The following SPCS2 variants were observed in gnomAD, a reference collection of about 807,000 sequenced individuals.
SPCS2 encodes the protein SPase 25 kDa subunit.
Under a neutral mutation model 22.3 loss-of-function variants are expected in SPCS2, and 3 were observed. The observed-to-expected ratio is 0.13, with a 90% confidence interval of 0.06 to 0.35. SPCS2 has a LOEUF of 0.35. Ranked by LOEUF, SPCS2 falls within the 10% of genes least tolerant of loss-of-function variation. The pLI is 1.00. For synonymous variants in SPCS2, 67 were observed against 97.2 expected (o/e 0.69, Z 1.83); for missense variants, 169 against 280.9 (o/e 0.60, Z 2.85).
At chr11:74,966,742 T>C (rs1948548233) in intron 3 of SPCS2, among the ~76,000 whole-genome samples, 1 of 146,148 alleles carries the variant, frequency 6.8e-6, no homozygotes, top group Non-Finnish European at 1.5e-5. Context: ...TTTTAAACAA[T>C]GTTACCACTA....
intron 1 of SPCS2, among the ~76,000 whole-genome samples, chr11:74,953,969 A>G (rs918615738): frequency 6.6e-6 from 1 of 152,208 alleles, no homozygotes; most frequent in Admixed American, 6.5e-5. Context: ...GCACAGCTTT[A>G]ATCTGTTTAC....
intron 1 of SPCS2, among the ~76,000 whole-genome samples, chr11:74,961,430 GATA>G (rs1295769914): frequency 6.6e-6 from 1 of 152,118 alleles, no homozygotes; most frequent in Non-Finnish European, 1.5e-5. Context: ...TTCTCCCTTG[GATA>G]ATAAGGATTC....
At chr11:74,950,827 T>A (rs1047243530) in intron 1 of SPCS2, among the ~76,000 whole-genome samples, 3 of 152,204 alleles carry the variant, frequency 2.0e-5, no homozygotes, top group African/African-American at 7.2e-5. Context: ...ATTACAGGCA[T>A]AAGTCACCAT....
intron 1 of SPCS2, among the ~76,000 whole-genome samples, chr11:74,962,548 CAA>C (rs10708446): frequency 1.0e-3 from 129 of 127,618 alleles, no homozygotes; most frequent in African/African-American, 1.3e-3. Flanking sequence ...AAAATTGAGG[CAA>C]AAAAAAAAAA....
rs1432677500 is a variant in SPCS2, at chr11:74,951,885, T to TG, written c.114+2492dup. Among the ~76,000 whole-genome samples, 7 of 150,538 alleles carry TG rather than the reference T, an allele frequency of 4.6e-5. No individual in the cohort carries two copies. The South Asian group carries it at 6.3e-4, about 14-fold the overall frequency. ...CTGAAAGTGGAACTGGCACCTTATTTGGGGGGAGAAAAGAAAGACATGCCA... is the reference window on the plus strand; with the variant it reads ...CTGAAAGTGGAACTGGCACCTTATTTGGGGGGGAGAAAAGAAAGACATGCCA... On this transcript the variant is annotated intron_variant, in intron 1 of 4. Coordinates refer to ENST00000263672, the MANE Select transcript of SPCS2 (RefSeq NM_014752.3).
intron 4 of SPCS2, 108 bp downstream of exon 4, chr11:74,969,807 G>T (rs1948570181): frequency 7.8e-7 from 1 of 1,281,976 alleles, no homozygotes; most frequent in South Asian, 1.2e-5. Context: ...GGATCATAGG[G>T]CTAGTCATAT....
At chr11:74,975,771 G>A (rs550692948) in intron 4 of SPCS2, among the ~76,000 whole-genome samples, 1 of 152,330 alleles carries the variant, frequency 6.6e-6, no homozygotes, top group East Asian at 1.9e-4. Flanking sequence ...CACTGTTTTA[G>A]TCATGACAGT....
At position 74,949,299 on chromosome 11, in the gene SPCS2, C is replaced by T. The variant is rs1442958217; in HGVS notation, c.14C>T (p.Ala5Val). The change falls in exon 1 of 5, where the codon GCT becomes GTT. Residue 5 changes from alanine (A) to valine (V), a missense_variant. Transcript: ENST00000263672. MAAA[A>V]VQGGRSGGSG... ...GAGGCGGACAAGATGGCGGCGGCAG[C>T]TGTACAGGGCGGGAGAAGCGGTGGT... 1.9e-6 allele frequency: 3 copies of T among 1,543,196 alleles called. No individual in the cohort carries two copies. The highest frequency in any genetic ancestry group is 2.6e-6 in the Non-Finnish European group (3 of 1,144,170).
At position 74,949,317 on chromosome 11, in the gene SPCS2, G is replaced by A. The variant is rs1204573880; in HGVS notation, c.32G>A (p.Ser11Asn). 2.6e-6 allele frequency: 4 copies of A among 1,550,496 alleles called. No individual in the cohort carries two copies. The highest frequency in any genetic ancestry group is 1.4e-5 in the African/African-American group (1 of 73,074). The stretch of plus-strand genomic sequence containing the variant: ...GCGGCAGCTGTACAGGGCGGGAGAA[G>A]CGGTGGTAGCGGAGGCTGTAGTGGG... MAAAAVQGGR[S>N]GGSGGCSGAG... The change falls in exon 1 of 5, where the codon AGC becomes AAC. Residue 11 changes from serine (S) to asparagine (N), a missense_variant. This residue lies in a region of SPCS2 where 51 missense variants were observed against 37.8 expected (regional missense o/e 1.35). Transcript: ENST00000263672.
intron 1 of SPCS2, among the ~76,000 whole-genome samples, chr11:74,953,476 C>A (rs897111085): frequency 1.3e-5 from 2 of 152,052 alleles, no homozygotes; most frequent in African/African-American, 4.8e-5. Flanking sequence ...TACAAGCGTG[C>A]GCCACCACAC....
chr11:74,968,589 C>T (rs1053799470), intron 3 of SPCS2, among the ~76,000 whole-genome samples: 4 of 150,554 alleles, frequency 2.7e-5, no homozygotes, highest in African/African-American at 9.8e-5. Context: ...GATCTCGGCT[C>T]ACTGCAACCC....
At chr11:74,953,913 T>C (rs930772953) in intron 1 of SPCS2, among the ~76,000 whole-genome samples, 1 of 152,240 alleles carries the variant, frequency 6.6e-6, no homozygotes, top group African/African-American at 2.4e-5. Context: ...TTTAGCCTTA[T>C]ACCTGGATTT....
In SPCS2 at chr11:74,978,005, A is replaced by G. The variant is rs575220318; in HGVS notation, c.*962A>G. On this transcript the variant is annotated 3_prime_UTR_variant, in exon 5 of 5. Transcript: ENST00000263672. ...GGTGCTGTTATTATCCCCATTTTAC[A>G]CATGAGGAAACTGAGATACAAAAGT... The G allele has an allele frequency of 3.9e-5, 6 of 152,224 alleles. No individual in the cohort carries two copies. Among genetic ancestry groups the G allele is most frequent in the African/African-American group, 1.2e-4 (5 of 41,468 alleles). 9.4% of individuals were successfully genotyped at this position (152,224 alleles called of 1,614,324 possible). A position where few individuals can be genotyped will look rare whatever the true frequency, so the allele number is the denominator to read the frequency against.
rs959654662 is a variant in SPCS2 at position 74,978,638 on chromosome 11, T to G, written c.*1595T>G. 2.0e-5 allele frequency: 3 copies of G among 152,242 alleles called. No homozygotes were observed. The highest frequency in any genetic ancestry group is 4.4e-5 in the Non-Finnish European group (3 of 68,042). The allele number at this position is 152,242 out of a possible 1,614,324, so 9.4% of individuals were successfully genotyped here. ...TACTTTTAATCACCTCTGGATTACC[T>G]ATAATACCTAATATAATGTAAATGC... On this transcript the variant is annotated 3_prime_UTR_variant, in exon 5 of 5. Transcript: ENST00000263672.
chr11:74,950,590 G>T (rs1014414885), intron 1 of SPCS2, among the ~76,000 whole-genome samples: 1 of 152,298 alleles, frequency 6.6e-6, no homozygotes, highest in East Asian at 1.9e-4. Flanking sequence ...ACGCTCCATT[G>T]CCCAGAATGG....
At chr11:74,950,126 C>G (rs933111978) in intron 1 of SPCS2, among the ~76,000 whole-genome samples, 1 of 152,160 alleles carries the variant, frequency 6.6e-6, no homozygotes, top group Non-Finnish European at 1.5e-5. Flanking sequence ...GGAAAACTGT[C>G]CCTGGGTTGG....
At position 74,952,283 on chromosome 11, in the gene SPCS2, C is replaced by T. The variant is rs185980474; in HGVS notation, c.114+2884C>T. 4.7e-3 allele frequency among the ~76,000 whole-genome samples: 719 copies of T among 152,010 alleles called. 11 individuals are homozygous for T. The highest frequency in any genetic ancestry group is 0.017 in the African/African-American group (685 of 41,432). ...CCATTGAAAGTAATGGCAAAAACCA[C>T]GATAACTTTTGCACCTACCTAATAA... On this transcript the variant is annotated intron_variant, in intron 1 of 4. Coordinates refer to ENST00000263672, the MANE Select transcript of SPCS2 (RefSeq NM_014752.3).
intron 1 of SPCS2, chr11:74,963,522 C>G: frequency 2.6e-6 from 1 of 382,404 alleles, no homozygotes; most frequent in Admixed American, 3.2e-5. Flanking sequence ...TTATTTTTAT[C>G]CCATCTCTTA....
intron 1 of SPCS2, among the ~76,000 whole-genome samples, chr11:74,963,398 TAACA>T (rs1005117649): frequency 7.2e-5 from 11 of 152,110 alleles, no homozygotes; most frequent in Non-Finnish European, 1.6e-4. Context: ...TTATTTCTTC[TAACA>T]AACTTCACAG....
Sources: allele counts gnomAD v4.1 joint callset (sites outside exome capture counted in the v4.1 genomes callset), GRCh38; gene constraint gnomAD v4.1.1; regional missense constraint gnomAD v4.1.1; transcripts MANE v1.5; gene names NCBI Gene and HGNC (gene_info 2026-07-23, HGNC 2026-07-21).